ATP6V0A2: variants seen among roughly 807,000 people sequenced by gnomAD.
ATP6V0A2 encodes the protein ATPase H+ transporting V0 subunit a2.
Under a neutral mutation model 104.4 loss-of-function variants are expected in ATP6V0A2, and 58 were observed. The ratio of observed to expected loss-of-function variants is 0.56; its 90% CI spans 0.45 to 0.69. ATP6V0A2 has a LOEUF of 0.69. Ranked by LOEUF, ATP6V0A2 falls within the 30% of genes least tolerant of loss-of-function variation. ATP6V0A2 has a pLI of 0.00. For missense variants in ATP6V0A2, 938 were observed against 1,062.9 expected (o/e 0.88, Z 1.63); for synonymous variants, 376 against 397.9 (o/e 0.95, Z 0.65).
At chr12:123,733,766 A>G in intron 6 of ATP6V0A2, 160 bp from the exon 7 acceptor site, 2 of 656,034 alleles carry the variant, frequency 3.0e-6, no homozygotes, top group East Asian at 2.7e-5. Flanking sequence ...TGGGGCTGTT[A>G]CTACAAGTAG....
At chr12:123,757,104 T>A in intron 19 of ATP6V0A2, 118 bp downstream of exon 19, 1 of 1,141,670 alleles carries the variant, frequency 8.8e-7, no homozygotes, top group Non-Finnish European at 1.3e-6. Flanking sequence ...TTAGGCCAGT[T>A]CTTCCCTTCC....
At position 123,758,068 on chromosome 12, in the gene ATP6V0A2, G is replaced by C; in HGVS notation, c.*36G>C. ...GTAACCAACAAGCTTTCAGATTTAT[G>C]GAGAATGACCATGTTATAGACTTTC... On this transcript the variant is annotated 3_prime_UTR_variant, in exon 20 of 20. Transcript: ENST00000330342. The C allele has an allele frequency of 7.1e-7, 1 of 1,400,212 alleles. No individual in the cohort carries two copies. Among genetic ancestry groups the C allele is most frequent in the South Asian group, 1.2e-5 (1 of 86,506 alleles). The allele number at this position is 1,400,212 out of a possible 1,614,324, so 86.7% of individuals were successfully genotyped here.
intron 1 of ATP6V0A2, among the ~76,000 whole-genome samples, chr12:123,717,823 T>A (rs1400205866): frequency 6.6e-6 from 1 of 151,948 alleles, no homozygotes; most frequent in South Asian, 2.1e-4. Flanking sequence ...TTTTTTCTTT[T>A]TCCCTGAGAT....
At chr12:123,754,103 T>G in intron 17 of ATP6V0A2, 2 of 484,030 alleles carry the variant, frequency 4.1e-6, no homozygotes, top group Non-Finnish European at 7.4e-6. Context: ...CAGAATCCCA[T>G]TAGTATAGCA....
intron 6 of ATP6V0A2, among the ~76,000 whole-genome samples, chr12:123,729,115 T>G (rs961966599): frequency 1.3e-5 from 2 of 152,228 alleles, no homozygotes; most frequent in African/African-American, 4.8e-5. Flanking sequence ...CCTATTTTAT[T>G]TGATGGGTTC....
rs938149097 is a variant in ATP6V0A2 at position 123,747,617 on chromosome 12, T to C, written c.1616T>C (p.Leu539Ser). The C allele has an allele frequency of 6.8e-6, 11 of 1,610,206 alleles. No individual in the cohort carries two copies. In the African/African-American group the frequency reaches 1.3e-4, roughly 20 times the overall value. ...YPLGIDPIWNLATNRLTFLNS... is the reference protein window; with the variant it reads ...YPLGIDPIWNSATNRLTFLNS... ...TTGGTTTGGTTTTAGATTTGGAACTTGGCCACAAATCGCCTCACTTTTCTA... is the reference window on the plus strand; with the variant it reads ...TTGGTTTGGTTTTAGATTTGGAACTCGGCCACAAATCGCCTCACTTTTCTA... The change falls in exon 14 of 20, where the codon TTG becomes TCG. Residue 539 changes from leucine (L) to serine (S), a missense_variant. Coordinates refer to ENST00000330342, the MANE Select transcript of ATP6V0A2 (RefSeq NM_012463.4).
intron 6 of ATP6V0A2, chr12:123,732,818 C>T (rs1956515995): frequency 7.0e-6 from 1 of 143,660 alleles, no homozygotes; most frequent in Non-Finnish European, 1.5e-5. Flanking sequence ...ACCTGGCGTA[C>T]TTTCTTTGTT....
intron 7 of ATP6V0A2, 92 bp from the exon 8 acceptor site, chr12:123,735,439 A>T (rs1956543019): frequency 1.6e-6 from 2 of 1,239,642 alleles, no homozygotes; most frequent in Admixed American, 1.7e-5. Flanking sequence ...GGCTGCTTTC[A>T]TTCCGTTTTG....
At chr12:123,721,327 C>G (rs906533613) in intron 2 of ATP6V0A2, 2 of 178,792 alleles carry the variant, frequency 1.1e-5, no homozygotes, top group Non-Finnish European at 2.4e-5. Flanking sequence ...CCCACTGGGC[C>G]TTGCATTTAA....
At chr12:123,749,308 T>A (rs1292540512) in intron 15 of ATP6V0A2, among the ~76,000 whole-genome samples, 6 of 151,970 alleles carry the variant, frequency 3.9e-5, no homozygotes. Context: ...CCAACAAAAC[T>A]GGTGGGAAGA....
rs1956431961 is a variant in ATP6V0A2 at position 123,724,716 on chromosome 12, G to A, written c.357G>A (p.Arg119=). 1.9e-6 allele frequency: 3 copies of A among 1,613,840 alleles called. No homozygotes were observed. Among genetic ancestry groups the A allele is most frequent in the Non-Finnish European group, 1.7e-6 (2 of 1,179,888 alleles). ...REVTKNKEKL[R]KNLLELIEYT... ...TCACTAAGAACAAGGAGAAACTGAG[G>A]AAAAACTTGCTGGAACTGATAGAGT... Residue 119 remains arginine (R), a synonymous_variant, in exon 4 of 20, where the codon AGG becomes AGA. Transcript: ENST00000330342.
At chr12:123,728,413 T>TA (rs1956468487) in intron 6 of ATP6V0A2, among the ~76,000 whole-genome samples, 1 of 149,610 alleles carries the variant, frequency 6.7e-6, no homozygotes, top group Admixed American at 6.7e-5. Context: ...TTTTTTTTTT[T>TA]AACTTTTTAT....
chr12:123,747,586 T>G, intron 13 of ATP6V0A2, 21 bp from the exon 14 acceptor site: 1 of 1,481,632 alleles, frequency 6.7e-7, no homozygotes. Context: ...TTCTGTTTTG[T>G]CTTGTTTGGT....
intron 9 of ATP6V0A2, among the ~76,000 whole-genome samples, chr12:123,739,618 C>T (rs902847449): frequency 3.3e-5 from 5 of 152,178 alleles, no homozygotes; most frequent in African/African-American, 1.2e-4. Flanking sequence ...ACTTGGCTGC[C>T]TGAAGCTCTC....
intron 9 of ATP6V0A2, chr12:123,737,579 G>A (rs2135902453): frequency 2.6e-6 from 1 of 377,542 alleles, no homozygotes; most frequent in African/African-American, 2.1e-5. Flanking sequence ...AAATTATGGT[G>A]AGCTGGTCAT....
intron 2 of ATP6V0A2, 98 bp downstream of exon 2, chr12:123,718,799 G>A (rs56177903): frequency 1.2e-5 from 10 of 817,714 alleles, no homozygotes; most frequent in Middle Eastern, 2.6e-4. Flanking sequence ...CAAGCAGAAA[G>A]GAAAAAAAGA....
In ATP6V0A2 at chr12:123,744,083, C is replaced by G. The variant is rs1487247127; in HGVS notation, c.1190-118C>G. On this transcript the variant is annotated intron_variant, in intron 10 of 19. Coordinates refer to ENST00000330342, the MANE Select transcript of ATP6V0A2 (RefSeq NM_012463.4). The surrounding 1 kb of genome is among the most constrained non-coding windows in gnomAD (Gnocchi z 5.4). Reference sequence around the variant, plus strand: ...GTATAAGGTTTTAAATGTAACCACACAATCCTATCTTGTGAATTCTGGAGA... The same window carrying G: ...GTATAAGGTTTTAAATGTAACCACAGAATCCTATCTTGTGAATTCTGGAGA... 1.3e-6 allele frequency: 2 copies of G among 1,544,066 alleles called. No homozygotes were observed. The highest frequency in any genetic ancestry group is 2.2e-5 in the East Asian group (1 of 44,526).
chr12:123,754,985 C>G (rs1469050750), intron 18 of ATP6V0A2, among the ~76,000 whole-genome samples: 1 of 152,168 alleles, frequency 6.6e-6, no homozygotes, highest in Non-Finnish European at 1.5e-5. Flanking sequence ...CACAGGAGTC[C>G]TCCCTTTGCA....
chr12:123,723,320 A>G (rs960287443), intron 3 of ATP6V0A2: 1 of 152,208 alleles, frequency 6.6e-6, no homozygotes, highest in Non-Finnish European at 1.5e-5. Flanking sequence ...TAATGAATAT[A>G]GTATATTAAG....
Sources: gnomAD v4.1 joint callset for allele counts (sites outside exome capture counted in the v4.1 genomes callset) on GRCh38, gnomAD v4.1.1 for gene constraint, Gnocchi (gnomAD v3.1) non-coding constraint, MANE v1.5 for transcripts, NCBI Gene and HGNC (gene_info 2026-07-23, HGNC 2026-07-21) for gene names.